The following CLSTN2 variants were observed in gnomAD, a reference collection of about 807,000 sequenced individuals.
CLSTN2 encodes calsyntenin 2.
In CLSTN2, 48 loss-of-function variants were observed where a neutral mutation model predicts 101.2. The ratio of observed to expected loss-of-function variants is 0.47; its 90% CI spans 0.38 to 0.60. CLSTN2 has a LOEUF of 0.60. Ranked by LOEUF, CLSTN2 falls within the 20% of genes least tolerant of loss-of-function variation. CLSTN2 has a pLI of 0.00. For missense variants in CLSTN2, 1,160 were observed against 1,238.2 expected (o/e 0.94, Z 0.95); for synonymous variants, 481 against 463.6 (o/e 1.04, Z -0.48).
intron 1 of CLSTN2, among the ~76,000 whole-genome samples, chr3:140,148,686 T>C (rs1275734414): frequency 6.6e-6 from 1 of 152,232 alleles, no homozygotes; most frequent in Non-Finnish European, 1.5e-5. Context: ...TAAACGGGAA[T>C]GGCTCCTCTG....
chr3:140,015,237 G>A (rs1222846441), intron 1 of CLSTN2, among the ~76,000 whole-genome samples: 2 of 152,166 alleles, frequency 1.3e-5, no homozygotes, highest in Non-Finnish European at 2.9e-5. Flanking sequence ...TCCTGCTCAG[G>A]AAACAATCAG....
Position 140,566,452 on chromosome 3 carries a change from C to A in CLSTN2, c.*199C>A. On this transcript the variant is annotated 3_prime_UTR_variant, in exon 17 of 17. Coordinates refer to ENST00000458420, the MANE Select transcript of CLSTN2 (RefSeq NM_022131.3). ...GGAAGTTCCAAGAAGCCCAGCATGG[C>A]CATCAGTGAGGACTTCAGGGTAGAC... is the stretch of plus-strand genomic sequence containing the variant. 1.6e-6 allele frequency: 1 copy of A among 607,692 alleles called. No homozygotes were observed. 37.6% of individuals were successfully genotyped at this position (607,692 alleles called of 1,614,324 possible).
At chr3:140,536,188 C>A (rs1477404100) in intron 9 of CLSTN2, among the ~76,000 whole-genome samples, 1 of 151,986 alleles carries the variant, frequency 6.6e-6, no homozygotes, top group Non-Finnish European at 1.5e-5. Context: ...CAGCAGTATC[C>A]TTAACTTCCT....
chr3:140,272,991 CA>C (rs1339764967), intron 2 of CLSTN2, among the ~76,000 whole-genome samples: 1 of 152,120 alleles, frequency 6.6e-6, no homozygotes, highest in Non-Finnish European at 1.5e-5. Context: ...CGCTGTCACT[CA>C]GTGATCATTT....
rs2642542 is a variant in CLSTN2, at chr3:140,551,601, C to G, written c.1675-4912C>G. Among the ~76,000 whole-genome samples the G allele has an allele frequency of 1.6e-3, 237 of 151,800 alleles. 1 individual carries two copies. Among genetic ancestry groups the G allele is most frequent in the South Asian group, 7.5e-3 (36 of 4,806 alleles). ...GGAAAAAGGTGGAAGGTGCCAGAGACGTAGGCAGGGGCCACATCAGAGGCC... is the reference window on the plus strand; with the variant it reads ...GGAAAAAGGTGGAAGGTGCCAGAGAGGTAGGCAGGGGCCACATCAGAGGCC... On this transcript the variant is annotated intron_variant, in intron 10 of 16. Transcript: ENST00000458420.
chr3:140,376,068 T>C (rs1291852553), intron 2 of CLSTN2, among the ~76,000 whole-genome samples: 1 of 152,152 alleles, frequency 6.6e-6, no homozygotes, highest in Non-Finnish European at 1.5e-5. Context: ...CACTCTGGGG[T>C]CCCTCTCTGC....
intron 2 of CLSTN2, among the ~76,000 whole-genome samples, chr3:140,328,358 CAG>C (rs767570988): frequency 6.6e-6 from 1 of 152,240 alleles, no homozygotes; most frequent in African/African-American, 2.4e-5. Context: ...ACCCTCCACA[CAG>C]AATGTTACTA....
chr3:140,410,974 T>C (rs1159889087), intron 4 of CLSTN2, among the ~76,000 whole-genome samples: 1 of 151,922 alleles, frequency 6.6e-6, no homozygotes, highest in Admixed American at 6.6e-5. Flanking sequence ...AGCATACCAC[T>C]ACAGAAAATT....
At chr3:140,411,381 A>G (rs2107983833) in intron 4 of CLSTN2, among the ~76,000 whole-genome samples, 1 of 152,398 alleles carries the variant, frequency 6.6e-6, no homozygotes. Context: ...AGATACAGCA[A>G]TTGTAAGTGC....
At chr3:140,120,327 C>G (rs2009318689) in intron 1 of CLSTN2, among the ~76,000 whole-genome samples, 1 of 152,024 alleles carries the variant, frequency 6.6e-6, no homozygotes, top group Non-Finnish European at 1.5e-5. Flanking sequence ...AGGCTATTAC[C>G]AAGGATAGAG....
chr3:140,537,883 A>G (rs531600847), intron 9 of CLSTN2, among the ~76,000 whole-genome samples: 6 of 152,252 alleles, frequency 3.9e-5, no homozygotes, highest in South Asian at 2.1e-4. Context: ...CAAGGGAGTG[A>G]GTCAGGTAGG....
At chr3:140,492,428 A>G (rs1191979861) in intron 8 of CLSTN2, among the ~76,000 whole-genome samples, 1 of 152,262 alleles carries the variant, frequency 6.6e-6, no homozygotes, top group Non-Finnish European at 1.5e-5. Context: ...GCAAAGAAGT[A>G]GCAGCGGCAA....
chr3:140,287,775 A>G (rs1451630258), intron 2 of CLSTN2, among the ~76,000 whole-genome samples: 1 of 152,180 alleles, frequency 6.6e-6, no homozygotes, highest in Non-Finnish European at 1.5e-5. Context: ...CCAGGGTCAC[A>G]CAGCTTCTGA....
At chr3:140,144,209 G>A (rs1012028833) in intron 1 of CLSTN2, among the ~76,000 whole-genome samples, 8 of 152,188 alleles carry the variant, frequency 5.3e-5, no homozygotes, top group Admixed American at 2.0e-4. Context: ...TCTGAGGGGT[G>A]GAGACAAATA....
chr3:140,523,280 A>T (rs1935072309), intron 8 of CLSTN2, among the ~76,000 whole-genome samples: 1 of 152,150 alleles, frequency 6.6e-6, no homozygotes, highest in Non-Finnish European at 1.5e-5. Context: ...GGCTTTATGC[A>T]GACATCCCAT....
Position 140,502,242 on chromosome 3 carries a change from C to T in CLSTN2, c.1345-30082C>T, listed in dbSNP as rs184409181. On this transcript the variant is annotated intron_variant, in intron 8 of 16. Transcript: ENST00000458420. ...ATCTTTCAGGCTCAGCACTGTCTGA[C>T]CTGAAAGTCAACTAATTCTACACCT... Among the ~76,000 whole-genome samples the T allele has an allele frequency of 1.3e-3, 197 of 152,280 alleles. 3 individuals are homozygous for T. The highest frequency in any genetic ancestry group is 0.012 in the Admixed American group (182 of 15,294).
At chr3:140,300,101 G>A (rs991993155) in intron 2 of CLSTN2, among the ~76,000 whole-genome samples, 8 of 152,262 alleles carry the variant, frequency 5.3e-5, no homozygotes, top group South Asian at 2.1e-4. Context: ...ATGCAGTCTC[G>A]CTCCCAATCT....
intron 1 of CLSTN2, among the ~76,000 whole-genome samples, chr3:140,091,512 A>T (rs2107785788): frequency 6.6e-6 from 1 of 152,344 alleles, no homozygotes; most frequent in South Asian, 2.1e-4. Flanking sequence ...AGCCCAGAAC[A>T]TTTCATTACC....
At chr3:140,307,955 G>A (rs960612142) in intron 2 of CLSTN2, among the ~76,000 whole-genome samples, 3 of 152,184 alleles carry the variant, frequency 2.0e-5, no homozygotes, top group Non-Finnish European at 4.4e-5. Context: ...CCTTTTAACA[G>A]GGTCTGTAGA....
Sources: allele counts gnomAD v4.1 joint callset (sites outside exome capture counted in the v4.1 genomes callset), GRCh38; gene constraint gnomAD v4.1.1; transcripts MANE v1.5; gene names NCBI Gene and HGNC (gene_info 2026-07-23, HGNC 2026-07-21).